The following OPTC variants were observed in gnomAD, a reference collection of about 807,000 sequenced individuals.
OPTC encodes the protein opticin, also known as oculoglycan.
OPTC carries 22 observed loss-of-function variants against 25.4 expected under a neutral mutation model. The observed-to-expected ratio is 0.87, with a 90% confidence interval of 0.62 to 1.24. OPTC has a LOEUF of 1.24. Ranked by LOEUF, OPTC falls within the 50% of genes most tolerant of loss-of-function variation. The pLI, the probability that OPTC is intolerant of heterozygous loss-of-function variation, is 0.00. For missense variants in OPTC, 417 were observed against 425.2 expected (o/e 0.98, Z 0.17); for synonymous variants, 169 against 179.3 (o/e 0.94, Z 0.46).
intron 7 of OPTC, 89 bp downstream of exon 7, chr1:203,503,834 A>G: frequency 1.8e-6 from 2 of 1,139,748 alleles, no homozygotes; most frequent in Non-Finnish European, 2.6e-6. Flanking sequence ...TAGCCCAGGC[A>G]TTAATCAACC....
Position 203,498,752 on chromosome 1 carries a change from A to G in OPTC, c.442A>G (p.Ile148Val), listed in dbSNP as rs748806113. Reference protein sequence around the residue: ...VYCDDIDLEDIPPLPRRTAYL... With the variant: ...VYCDDIDLEDVPPLPRRTAYL... Reference sequence around the variant, plus strand: ...TTGCGATGACATTGACCTAGAGGACATTCCTCCTCTTCCTCGGAGGACTGC... The same window carrying G: ...TTGCGATGACATTGACCTAGAGGACGTTCCTCCTCTTCCTCGGAGGACTGC... The change falls in exon 4 of 8, where the codon ATT becomes GTT. Residue 148 changes from isoleucine to valine, a missense_variant. Ile to Val is a conservative substitution (Grantham distance 29). Transcript: ENST00000367222. 6 of 1,614,058 alleles carry G rather than the reference A, an allele frequency of 3.7e-6. No individual in the cohort carries two copies. In the Admixed American group the frequency reaches 1.0e-4, roughly 27 times the overall value.
chr1:203,494,794 T>C (rs569405665), intron 1 of OPTC, among the ~76,000 whole-genome samples: 1 of 152,354 alleles, frequency 6.6e-6, no homozygotes, highest in South Asian at 2.1e-4. Flanking sequence ...CACTTATGCC[T>C]GGATACAAAA....
At chr1:203,498,962 C>A in intron 4 of OPTC, 123 bp downstream of exon 4, 2 of 1,078,620 alleles carry the variant, frequency 1.9e-6, no homozygotes, top group South Asian at 1.3e-5. Flanking sequence ...GCTCTCAGTC[C>A]CTCCAGCTGT....
In OPTC at chr1:203,496,648, G is replaced by A. The variant is rs536441086; in HGVS notation, c.232-329G>A. On this transcript the variant is annotated intron_variant, in intron 2 of 7. Coordinates refer to ENST00000367222, the MANE Select transcript of OPTC (RefSeq NM_014359.4). ...CCCAGAAGCCCCTACTCAATTGTGC[G>A]TGAGCCTGGTCGGTGTGGAGCAGGG... Among the ~76,000 whole-genome samples the A allele has an allele frequency of 3.3e-3, 505 of 152,254 alleles. 3 individuals are homozygous for A. The highest frequency in any genetic ancestry group is 0.012 in the African/African-American group (486 of 41,532).
Position 203,503,643 on chromosome 1 carries a change from G to T in OPTC, c.922G>T (p.Gly308Cys). Residue 308 changes from glycine to cysteine, a missense_variant, in exon 7 of 8, where the codon GGC becomes TGC. Gly to Cys is a radical substitution (Grantham distance 159). Coordinates refer to ENST00000367222, the MANE Select transcript of OPTC (RefSeq NM_014359.4). Reference protein sequence around the residue: ...RRQLEDIRLDGNPINLSLFPS... With the variant: ...RRQLEDIRLDCNPINLSLFPS... The stretch of plus-strand genomic sequence containing the variant: ...GCAGCTGGAAGACATCCGCCTGGAT[G>T]GCAACCCCATCAACCTCAGCCTCTT... 1.9e-6 allele frequency: 3 copies of T among 1,613,512 alleles called. No individual in the cohort carries two copies. Among genetic ancestry groups the T allele is most frequent in the Non-Finnish European group, 2.5e-6 (3 of 1,180,034 alleles).
At chr1:203,499,466 G>A (rs1661338381) in intron 4 of OPTC, among the ~76,000 whole-genome samples, 183 bp from the exon 5 acceptor site, 1 of 152,034 alleles carries the variant, frequency 6.6e-6, no homozygotes, top group African/African-American at 2.4e-5. Context: ...GGCATCCGAG[G>A]GCTTTTCCAA....
At chr1:203,506,898 C>A (rs1169127702) in intron 7 of OPTC, among the ~76,000 whole-genome samples, 1 of 152,246 alleles carries the variant, frequency 6.6e-6, no homozygotes, top group African/African-American at 2.4e-5. Flanking sequence ...GAGGCCAGCT[C>A]CAGAGAGTTT....
At chr1:203,495,846 G>A in intron 1 of OPTC, 119 bp from the exon 2 acceptor site, 1 of 669,380 alleles carries the variant, frequency 1.5e-6, no homozygotes, top group Non-Finnish European at 2.7e-6. Flanking sequence ...TGCATGTGAT[G>A]AGAGCACTGA....
chr1:203,499,127 G>C (rs1051024020), intron 4 of OPTC, among the ~76,000 whole-genome samples: 3 of 152,232 alleles, frequency 2.0e-5, no homozygotes, highest in Non-Finnish European at 2.9e-5. Flanking sequence ...AGCAGTGACA[G>C]CTGTGTGATC....
intron 1 of OPTC, 78 bp from the exon 2 acceptor site, chr1:203,495,887 A>G: frequency 1.4e-6 from 1 of 729,912 alleles, no homozygotes; most frequent in South Asian, 1.5e-5. Flanking sequence ...GAAGTGGAGT[A>G]AATCTGCGAG....
In OPTC at chr1:203,499,640, C is replaced by A; in HGVS notation, c.530-9C>A. On this transcript the variant is annotated splice_polypyrimidine_tract_variant and intron_variant, in intron 4 of 7. Transcript: ENST00000367222. ...GTTTCTCTCTTTGTTCTCCCCTAAC[C>A]TCTCTCAGCAAAGTTGAAGAGGATT... is the stretch of plus-strand genomic sequence containing the variant. 6.2e-7 allele frequency: 1 copy of A among 1,612,222 alleles called. No individual in the cohort carries two copies. The highest frequency in any genetic ancestry group is 8.5e-7 in the Non-Finnish European group (1 of 1,178,708).
chr1:203,499,536 A>T, intron 4 of OPTC, 113 bp from the exon 5 acceptor site: 1 of 886,870 alleles, frequency 1.1e-6, no homozygotes, highest in Non-Finnish European at 1.9e-6. Context: ...AGAGCTGGTT[A>T]GAATCCCCTC....
intron 1 of OPTC, among the ~76,000 whole-genome samples, chr1:203,494,665 A>G (rs1008454180): frequency 6.6e-6 from 1 of 152,202 alleles, no homozygotes; most frequent in Non-Finnish European, 1.5e-5. Flanking sequence ...AAAATAAAAT[A>G]AAAATTAAAA....
chr1:203,495,520 AAAAC>A (rs1303316850), intron 1 of OPTC, among the ~76,000 whole-genome samples: 1 of 152,228 alleles, frequency 6.6e-6, no homozygotes, highest in African/African-American at 2.4e-5. Context: ...TCGTCTCAAA[AAAAC>A]AAACAAACAA....
chr1:203,502,770 C>T, intron 5 of OPTC, 144 bp from the exon 6 acceptor site: 1 of 716,614 alleles, frequency 1.4e-6, no homozygotes, highest in Non-Finnish European at 2.5e-6. Context: ...CCTGTGGCAC[C>T]CAGCACAGAG....
intron 2 of OPTC, 143 bp downstream of exon 2, chr1:203,496,379 G>T: frequency 2.8e-6 from 2 of 707,038 alleles, no homozygotes; most frequent in Non-Finnish European, 5.1e-6. Context: ...CCTCCATAGG[G>T]ACTTGTCACT....
intron 7 of OPTC, among the ~76,000 whole-genome samples, chr1:203,505,408 G>A (rs1661464288): frequency 6.6e-6 from 1 of 152,212 alleles, no homozygotes; most frequent in Non-Finnish European, 1.5e-5. Context: ...AGGAGTGGGA[G>A]TTAGCCAGGC....
Position 203,496,048 on chromosome 1 carries a change from C to T in OPTC, c.43C>T (p.Gln15Ter). 6.2e-7 allele frequency: 1 copy of T among 1,613,872 alleles called. No homozygotes were observed. Among genetic ancestry groups the T allele is most frequent in the Non-Finnish European group, 8.5e-7 (1 of 1,179,932 alleles). ...AFLSLLALVL[Q>*]ETGTASLPRK... ...CCTGAGTCTGCTGGCCTTGGTGCTG[C>T]AGGAGACAGGGACAGCTTCTCTCCC... The change falls in exon 2 of 8, where the codon CAG (glutamine) becomes TAG (stop). Residue 15 changes from glutamine (Q) to a stop codon, truncating the protein, a stop_gained. Transcript: ENST00000367222. LOFTEE classifies it high-confidence loss of function.
chr1:203,506,716 C>T (rs1170125063), intron 7 of OPTC, among the ~76,000 whole-genome samples: 1 of 152,198 alleles, frequency 6.6e-6, no homozygotes, highest in Non-Finnish European at 1.5e-5. Flanking sequence ...TAGGGATGCT[C>T]ATCTTCAGAC....
Sources: allele counts gnomAD v4.1 joint callset (sites outside exome capture counted in the v4.1 genomes callset), GRCh38; gene constraint gnomAD v4.1.1; transcripts MANE v1.5; gene names NCBI Gene and HGNC (gene_info 2026-07-23, HGNC 2026-07-21).